ZNF880: variants seen among roughly 807,000 people sequenced by gnomAD.
ZNF880 encodes the protein zinc finger protein LOC400713.
A neutral mutation model predicts 11.8 loss-of-function variants in ZNF880; 12 were observed. The ratio of observed to expected loss-of-function variants is 1.02; its 90% confidence interval spans 0.65 to 1.65. ZNF880 has a LOEUF of 1.65. ZNF880 is among the 40% of genes most tolerant of loss of function. The probability of loss-of-function intolerance (pLI) is 0.00; values close to 1 mark genes in which losing one functional copy is unlikely to be tolerated. For missense variants in ZNF880, 601 were observed against 673.9 expected (o/e 0.89, Z 1.20); for synonymous variants, 210 against 232.4 (o/e 0.90, Z 0.88).
Position 52,384,291 on chromosome 19 carries a change from G to A in ZNF880, c.711G>A (p.Glu237=). 6.2e-7 allele frequency: 1 copy of A among 1,604,184 alleles called. No homozygotes were observed. The highest frequency in any genetic ancestry group is 8.5e-7 in the Non-Finnish European group (1 of 1,175,282). Residue 237 remains glutamate (E), a synonymous_variant, in exon 4 of 4, where the codon GAG becomes GAA. Coordinates refer to ENST00000422689, the MANE Select transcript of ZNF880 (RefSeq NM_001145434.2). ...LVQHQRIHTG[E]KPYKCHECGK... ...AACATCAAAGAATTCATACTGGAGA[G>A]AAGCCTTACAAGTGTCATGAATGTG...
intron 3 of ZNF880, among the ~76,000 whole-genome samples, chr19:52,375,952 A>G (rs994781807): frequency 6.6e-6 from 1 of 152,236 alleles, no homozygotes; most frequent in Non-Finnish European, 1.5e-5. Context: ...TAGTTCATTT[A>G]GAATAATGGC....
At chr19:52,371,040 G>A (rs12976751) in intron 1 of ZNF880, among the ~76,000 whole-genome samples, 10,306 of 152,276 alleles carry the variant, frequency 0.068, 381 homozygotes, top group South Asian at 0.091. Context: ...ATATGAATAA[G>A]TGTGTACATG....
At chr19:52,377,079 G>A (rs1421582851) in intron 3 of ZNF880, among the ~76,000 whole-genome samples, 1 of 152,058 alleles carries the variant, frequency 6.6e-6, no homozygotes, top group Non-Finnish European at 1.5e-5. Context: ...TGTCAAAGGG[G>A]TCTCTTTTTC....
downstream of ZNF880, among the ~76,000 whole-genome samples, chr19:52,388,282 C>CTTTTTTTTT (rs68179783): frequency 0.15 from 9,414 of 62,950 alleles, 2,590 homozygotes; most frequent in African/African-American, 0.18. Context: ...GCAATTTGAA[C>CTTTTTTTTT]TTTTTTTTTT....
chr19:52,371,281 T>C (rs1341479307), intron 1 of ZNF880, among the ~76,000 whole-genome samples: 2 of 152,192 alleles, frequency 1.3e-5, no homozygotes, highest in Non-Finnish European at 2.9e-5. Flanking sequence ...CCGGAACTTA[T>C]TTTAACTATA....
At chr19:52,369,914 T>A (rs1986308534), upstream of ZNF880, 1 of 1,551,428 alleles carries the variant, frequency 6.4e-7, no homozygotes, top group Non-Finnish European at 8.7e-7. Flanking sequence ...GCCTCTCAGC[T>A]GCGCGCGCAG....
chr19:52,371,029 TATATGA>T (rs565802984), intron 1 of ZNF880, among the ~76,000 whole-genome samples: 28 of 152,340 alleles, frequency 1.8e-4, no homozygotes, highest in African/African-American at 6.0e-4. Flanking sequence ...TGTATATATG[TATATGA>T]ATAAGTGTGT....
the ZNF880 span, chr19:52,396,836 A>T: frequency 6.6e-6 from 1 of 150,498 alleles, no homozygotes; most frequent in Admixed American, 6.7e-5. Flanking sequence ...CGGCAGGCTG[A>T]GACAGGGGGT....
chr19:52,383,989 C>A lies in ZNF880; in HGVS notation c.409C>A (p.Pro137Thr). ...TTCTGGATGTAAACATGTCGAAAAA[C>A]CTATCAACAATTCCTTAGTTTCACC... is the stretch of plus-strand genomic sequence containing the variant. The part of the protein sequence containing the change: ...NISGCKHVEK[P>T]INNSLVSPLQ... Residue 137 changes from proline (P) to threonine (T), a missense_variant, in exon 4 of 4, where the codon CCT becomes ACT. Pro to Thr is a conservative substitution (Grantham distance 38). Around this residue, in one of 3 missense-constraint regions of ZNF880, gnomAD observed 420 missense variants for 442.6 expected, o/e 0.95. Transcript: ENST00000422689. 2 of 1,521,982 alleles carry A rather than the reference C, an allele frequency of 1.3e-6. No homozygotes were observed. Among genetic ancestry groups the A allele is most frequent in the South Asian group, 2.4e-5 (2 of 81,738 alleles). 94.3% of individuals were successfully genotyped at this position (1,521,982 alleles called of 1,614,324 possible). A position where few individuals can be genotyped will look rare whatever the true frequency, so the allele number is the denominator to read the frequency against.
At position 52,378,300 on chromosome 19, in the gene ZNF880, A is replaced by G. The variant is rs368110630; in HGVS notation, c.268+3873A>G. On this transcript the variant is annotated intron_variant, in intron 3 of 3. Transcript: ENST00000422689. ...CTTTAGTGGTGTGTGTAACGGGAGT[A>G]GGTGGCTCTTCTGAGATTTTTACTC... 3.9e-5 allele frequency among the ~76,000 whole-genome samples: 6 copies of G among 152,268 alleles called. No individual in the cohort carries two copies. In the East Asian group the frequency reaches 1.2e-3, roughly 29 times the overall value.
Position 52,370,925 on chromosome 19 carries a change from A to G in ZNF880, c.12+948A>G, listed in dbSNP as rs1986348481. 3.3e-5 allele frequency among the ~76,000 whole-genome samples: 5 copies of G among 152,228 alleles called. No individual in the cohort carries two copies. In the South Asian group the frequency reaches 1.0e-3, roughly 32 times the overall value. ...CTGCACTGCAACCTGGACACATTAA[A>G]AAACGAACAAAGACAAATATCTAAA... On this transcript the variant is annotated intron_variant, in intron 1 of 3. Transcript: ENST00000422689.
upstream of ZNF880, among the ~76,000 whole-genome samples, chr19:52,369,362 CAAAAA>C (rs57601492): frequency 0.16 from 18,232 of 112,636 alleles, 1,352 homozygotes; most frequent in South Asian, 0.31. Context: ...ACTCTGTCTC[CAAAAA>C]AAAAAAAAAA....
intron 3 of ZNF880, among the ~76,000 whole-genome samples, chr19:52,383,303 AGATTGATT>A (rs1159835560): frequency 6.6e-6 from 1 of 152,108 alleles, no homozygotes; most frequent in African/African-American, 2.4e-5. Context: ...TGTTTTGTGG[AGATTGATT>A]GATTGATCAT....
intron 1 of ZNF880, chr19:52,370,289 G>C (rs1283971261): frequency 7.4e-6 from 3 of 405,678 alleles, no homozygotes; most frequent in Non-Finnish European, 1.4e-5. Flanking sequence ...CCGCGAGATG[G>C]ATCCACGTCT....
chr19:52,370,821 C>T (rs751999780), intron 1 of ZNF880, among the ~76,000 whole-genome samples: 2 of 152,172 alleles, frequency 1.3e-5, no homozygotes, highest in Non-Finnish European at 2.9e-5. Flanking sequence ...CAGTGGTGCA[C>T]GCTTGTCATT....
At chr19:52,369,502 A>G (rs557273056), upstream of ZNF880, among the ~76,000 whole-genome samples, 1 of 151,674 alleles carries the variant, frequency 6.6e-6, no homozygotes, top group Admixed American at 6.6e-5. Flanking sequence ...ATTCATTTAT[A>G]TTTATTTATT....
chr19:52,379,713 G>T, intron 3 of ZNF880: 1 of 212,214 alleles, frequency 4.7e-6, no homozygotes, highest in Non-Finnish European at 9.7e-6. Flanking sequence ...CAAAGTTCTG[G>T]GATTACAGGC....
At chr19:52,371,823 T>A (rs1043083804) in intron 1 of ZNF880, among the ~76,000 whole-genome samples, 6 of 152,334 alleles carry the variant, frequency 3.9e-5, no homozygotes, top group African/African-American at 1.4e-4. Context: ...TGTTCTTTTA[T>A]GGGCTTTTGT....
chr19:52,388,511 C>T (rs1054389807), downstream of ZNF880, among the ~76,000 whole-genome samples: 1 of 150,334 alleles, frequency 6.7e-6, no homozygotes, highest in Non-Finnish European at 1.5e-5. Context: ...CTCTTGACCT[C>T]GTGATCCACC....
Sources: allele counts gnomAD v4.1 joint callset (sites outside exome capture counted in the v4.1 genomes callset), GRCh38; gene constraint gnomAD v4.1.1; regional missense constraint gnomAD v4.1.1; transcripts MANE v1.5; gene names NCBI Gene and HGNC (gene_info 2026-07-23, HGNC 2026-07-21).